OSBP2: variants seen among roughly 807,000 people sequenced by gnomAD.
OSBP2 encodes oxysterol binding protein 2, also known as oxysterol-binding protein 2.
Under a neutral mutation model 96.0 loss-of-function variants are expected in OSBP2, and 66 were observed. The observed-to-expected ratio is 0.69, with a 90% CI of 0.56 to 0.84. The LOEUF is 0.84. Ranked by LOEUF, OSBP2 falls within the 40% of genes least tolerant of loss-of-function variation. OSBP2 has a pLI of 0.00. For synonymous variants in OSBP2, 525 were observed against 520.9 expected (o/e 1.01, Z -0.11); for missense variants, 1,038 against 1,222.7 (o/e 0.85, Z 2.25).
At chr22:30,886,452 C>G (rs1320460646) in intron 3 of OSBP2, among the ~76,000 whole-genome samples, 1 of 152,164 alleles carries the variant, frequency 6.6e-6, no homozygotes, top group Non-Finnish European at 1.5e-5. Flanking sequence ...GTTTCCTAAT[C>G]AGACCTTTAA....
At chr22:30,888,548 C>T (rs1199401139) in intron 5 of OSBP2, among the ~76,000 whole-genome samples, 6 of 152,136 alleles carry the variant, frequency 3.9e-5, no homozygotes, top group South Asian at 4.1e-4. Flanking sequence ...GGCAACATGG[C>T]GAAACCCTGT....
At chr22:30,880,970 C>T (rs899009926) in intron 3 of OSBP2, among the ~76,000 whole-genome samples, 2 of 152,144 alleles carry the variant, frequency 1.3e-5, no homozygotes, top group African/African-American at 4.8e-5. Context: ...TAGGGAGAGT[C>T]CCTGGTGGTC....
intron 2 of OSBP2, among the ~76,000 whole-genome samples, chr22:30,755,105 G>C (rs778635285): frequency 6.6e-6 from 1 of 152,158 alleles, no homozygotes; most frequent in African/African-American, 2.4e-5. Context: ...CAGCTCACTT[G>C]TGTCCCCCTG....
At chr22:30,828,431 C>T (rs74885332) in intron 2 of OSBP2, among the ~76,000 whole-genome samples, 6,533 of 152,282 alleles carry the variant, frequency 0.043, 312 homozygotes, top group African/African-American at 0.12. Context: ...GCACGCTGAT[C>T]CCTTCCCATG....
intron 2 of OSBP2, among the ~76,000 whole-genome samples, chr22:30,769,496 A>G (rs1485451367): frequency 6.6e-6 from 1 of 152,128 alleles, no homozygotes; most frequent in Non-Finnish European, 1.5e-5. Flanking sequence ...TAAAAATACA[A>G]AAATTAGCTG....
intron 1 of OSBP2, among the ~76,000 whole-genome samples, chr22:30,717,090 TTGTGTGTGTGTGTG>T (rs35377469): frequency 3.5e-4 from 41 of 118,412 alleles, no homozygotes; most frequent in East Asian, 1.1e-3. Context: ...TTTACTGTTT[TTGTGTGTGTGTGTG>T]TGTGTGTGTG....
At chr22:30,760,924 A>C (rs2090198258) in intron 2 of OSBP2, among the ~76,000 whole-genome samples, 1 of 152,224 alleles carries the variant, frequency 6.6e-6, no homozygotes, top group South Asian at 2.1e-4. Context: ...GCATTTGACA[A>C]AATTTAACAT....
chr22:30,772,133 G>A (rs994895026), intron 2 of OSBP2, among the ~76,000 whole-genome samples: 1 of 152,170 alleles, frequency 6.6e-6, no homozygotes, highest in Admixed American at 6.5e-5. Flanking sequence ...TGGAGTTGGC[G>A]ATTCACTGTG....
rs117838589 is a variant in OSBP2, at chr22:30,778,012, T to A, written c.853+36643T>A. On this transcript the variant is annotated intron_variant, in intron 2 of 13. Coordinates refer to ENST00000332585, the MANE Select transcript of OSBP2 (RefSeq NM_030758.4). ...GAGCTTATTTTATTTATTTATTTAT[T>A]TGAGACAGAGTTTCACTCTGTCACC... is the stretch of plus-strand genomic sequence containing the variant. Among the ~76,000 whole-genome samples the A allele has an allele frequency of 6.5e-3, 987 of 152,138 alleles. 13 individuals carry two copies. Among genetic ancestry groups the A allele is most frequent in the Non-Finnish European group, 7.9e-3 (535 of 67,992 alleles).
At chr22:30,841,390 A>C (rs769691815) in intron 2 of OSBP2, among the ~76,000 whole-genome samples, 7 of 152,156 alleles carry the variant, frequency 4.6e-5, no homozygotes, top group Non-Finnish European at 8.8e-5. Context: ...CCTACTTTGG[A>C]CATGTTATAC....
At chr22:30,853,403 A>G (rs146622109) in intron 2 of OSBP2, among the ~76,000 whole-genome samples, 105 of 152,260 alleles carry the variant, frequency 6.9e-4, no homozygotes, top group Middle Eastern at 3.4e-3. Context: ...CTAAAGTTAA[A>G]TCTCTTGTGA....
intron 2 of OSBP2, among the ~76,000 whole-genome samples, chr22:30,779,825 C>T (rs940960863): frequency 3.3e-5 from 5 of 152,156 alleles, no homozygotes; most frequent in African/African-American, 7.2e-5. Flanking sequence ...GGAGAACCCT[C>T]GGCCCTTTTG....
chr22:30,717,620 C>T (rs1244561646), intron 1 of OSBP2, among the ~76,000 whole-genome samples: 1 of 152,170 alleles, frequency 6.6e-6, no homozygotes, highest in African/African-American at 2.4e-5. Flanking sequence ...ATTGCCATAG[C>T]CTGTAAGAAA....
At chr22:30,809,453 G>A (rs187017139) in intron 2 of OSBP2, among the ~76,000 whole-genome samples, 1 of 152,290 alleles carries the variant, frequency 6.6e-6, no homozygotes, top group African/African-American at 2.4e-5. Flanking sequence ...TCTCCTTGGG[G>A]GAGGGAAGGC....
intron 2 of OSBP2, among the ~76,000 whole-genome samples, chr22:30,769,184 G>C (rs1004056969): frequency 1.3e-5 from 2 of 152,208 alleles, no homozygotes; most frequent in Non-Finnish European, 2.9e-5. Context: ...AACAAGTATG[G>C]CTTAATAAAA....
intron 2 of OSBP2, among the ~76,000 whole-genome samples, chr22:30,776,061 G>A (rs1300674063): frequency 6.6e-6 from 1 of 150,834 alleles, no homozygotes; most frequent in Non-Finnish European, 1.5e-5. Context: ...CTCCCAAAGT[G>A]TTAGGATTAC....
chr22:30,695,396 G>C lies in OSBP2; in HGVS notation c.487G>C (p.Gly163Arg). Reference sequence around the variant, plus strand: ...ACCAGGACAGGCGAAGACTCCTCTTGGGGTTCCAATGTCGGGGACTGGCAC... The same window carrying C: ...ACCAGGACAGGCGAAGACTCCTCTTCGGGTTCCAATGTCGGGGACTGGCAC... ...LRPGQAKTPL[G>R]VPMSGTGTTS... Residue 163 changes from glycine to arginine, a missense_variant, in exon 1 of 14, where the codon GGG becomes CGG. Physicochemically the swap from Gly to Arg is moderately radical, Grantham distance 125 (BLOSUM62 -2). Coordinates refer to ENST00000332585, the MANE Select transcript of OSBP2 (RefSeq NM_030758.4). 6.2e-7 allele frequency: 1 copy of C among 1,613,886 alleles called. No homozygotes were observed. The highest frequency in any genetic ancestry group is 1.3e-5 in the African/African-American group (1 of 75,070).
chr22:30,775,745 G>C (rs1184252533), intron 2 of OSBP2, among the ~76,000 whole-genome samples: 1 of 152,010 alleles, frequency 6.6e-6, no homozygotes, highest in Non-Finnish European at 1.5e-5. Flanking sequence ...TAATTTTTGT[G>C]GGCACATATA....
At chr22:30,843,748 G>T (rs1306325682) in intron 2 of OSBP2, among the ~76,000 whole-genome samples, 1 of 152,072 alleles carries the variant, frequency 6.6e-6, no homozygotes, top group African/African-American at 2.4e-5. Context: ...TGTGCCTGTA[G>T]TCCCAGCTAC....
Sources: allele counts gnomAD v4.1 joint callset (sites outside exome capture counted in the v4.1 genomes callset), GRCh38; gene constraint gnomAD v4.1.1; transcripts MANE v1.5; gene names NCBI Gene and HGNC (gene_info 2026-07-23, HGNC 2026-07-21).